KCNJ10: variants seen among roughly 807,000 people sequenced by gnomAD.
The protein encoded by KCNJ10 is ATP-sensitive inward rectifier potassium channel 10.
A neutral mutation model predicts 22.2 loss-of-function variants in KCNJ10; 9 were observed. That is an observed-to-expected ratio of 0.40 (90% CI 0.24 to 0.71). KCNJ10 has a LOEUF of 0.71. Ranked by LOEUF, KCNJ10 falls within the 30% of genes least tolerant of loss-of-function variation. The pLI is 0.35. For missense variants in KCNJ10, 337 were observed against 482.7 expected, an observed-to-expected ratio of 0.70 and a Z score of 2.83; for synonymous variants, 184 against 187.3, an observed-to-expected ratio of 0.98 and a Z score of 0.15.
chr1:160,049,508 T>C (rs557185033), intron 1 of KCNJ10, among the ~76,000 whole-genome samples: 1 of 151,776 alleles, frequency 6.6e-6, no homozygotes, highest in South Asian at 2.1e-4. Context: ...CCATGAAGCC[T>C]TCTCTGATTC....
chr1:160,042,770 C>G (rs772258833), intron 1 of KCNJ10, among the ~76,000 whole-genome samples: 1 of 152,060 alleles, frequency 6.6e-6, no homozygotes. Flanking sequence ...AACCCTGTCT[C>G]TACTAAAAAT....
intron 1 of KCNJ10, among the ~76,000 whole-genome samples, chr1:160,043,272 A>AC (rs1553235192): frequency 0.28 from 36,805 of 132,468 alleles, 5,562 homozygotes; most frequent in East Asian, 0.4. Flanking sequence ...TCCCCCTTAA[A>AC]ACACACACAC....
intron 1 of KCNJ10, among the ~76,000 whole-genome samples, chr1:160,050,210 T>C (rs1438952282): frequency 6.6e-6 from 1 of 152,104 alleles, no homozygotes; most frequent in East Asian, 1.9e-4. Context: ...CATGGCTCAC[T>C]GCAGCCTCGA....
intron 1 of KCNJ10, among the ~76,000 whole-genome samples, chr1:160,049,682 T>TAG (rs1648843042): frequency 2.5e-5 from 2 of 80,768 alleles, no homozygotes; most frequent in South Asian, 7.8e-4. Context: ...TATTTATATA[T>TAG]ATATATATAT....
chr1:160,053,861 A>C (rs567608658), intron 1 of KCNJ10, among the ~76,000 whole-genome samples: 1 of 152,188 alleles, frequency 6.6e-6, no homozygotes, highest in African/African-American at 2.4e-5. Flanking sequence ...TAACCTCTGC[A>C]TGGCCCTTCT....
At chr1:160,065,594 G>A (rs952399164) in intron 1 of KCNJ10, among the ~76,000 whole-genome samples, 1 of 152,138 alleles carries the variant, frequency 6.6e-6, no homozygotes, top group Admixed American at 6.5e-5. Context: ...GTGAGACTTG[G>A]AATGGCCTTT....
At chr1:160,054,716 G>T (rs1162519528) in intron 1 of KCNJ10, among the ~76,000 whole-genome samples, 1 of 152,034 alleles carries the variant, frequency 6.6e-6, no homozygotes, top group Admixed American at 6.5e-5. Context: ...ACCTGGCCTA[G>T]GCCCCGAGAT....
intron 1 of KCNJ10, among the ~76,000 whole-genome samples, chr1:160,043,168 C>T (rs1016352205): frequency 1.3e-5 from 2 of 151,690 alleles, no homozygotes; most frequent in South Asian, 2.1e-4. Flanking sequence ...ACCAGTCCTC[C>T]GAAGAGCTCT....
intron 1 of KCNJ10, among the ~76,000 whole-genome samples, chr1:160,045,635 T>C (rs531976926): frequency 4.0e-4 from 61 of 152,318 alleles, no homozygotes; most frequent in African/African-American, 1.4e-3. Context: ...CTGAAGTCCC[T>C]AGAACAAAAA....
chr1:160,047,777 G>A (rs566506844), intron 1 of KCNJ10, among the ~76,000 whole-genome samples: 2 of 152,042 alleles, frequency 1.3e-5, no homozygotes, highest in Middle Eastern at 3.4e-3. Context: ...CTGTTACCCA[G>A]GCTGAAGTGC....
At chr1:160,069,684 G>T (rs1485765130) in intron 1 of KCNJ10, among the ~76,000 whole-genome samples, 1 of 152,176 alleles carries the variant, frequency 6.6e-6, no homozygotes, top group Admixed American at 6.5e-5. Flanking sequence ...TGTTGTGCCT[G>T]TGTATGGGGT....
intron 1 of KCNJ10, 100 bp from the exon 2 acceptor site, chr1:160,042,632 TCGC>T: frequency 3.8e-6 from 4 of 1,062,206 alleles, no homozygotes; most frequent in Non-Finnish European, 5.7e-6. Context: ...CATTTGAATG[TCGC>T]TTATGTGTTC....
At chr1:160,067,489 A>G (rs1649347615) in intron 1 of KCNJ10, among the ~76,000 whole-genome samples, 1 of 152,096 alleles carries the variant, frequency 6.6e-6, no homozygotes, top group African/African-American at 2.4e-5. Context: ...TTTCCTCTCC[A>G]ATCTTTCTGT....
intron 1 of KCNJ10, among the ~76,000 whole-genome samples, chr1:160,043,775 G>T (rs1648674260): frequency 6.6e-6 from 1 of 152,216 alleles, no homozygotes; most frequent in Non-Finnish European, 1.5e-5. Flanking sequence ...CAGAAAGTGG[G>T]GCAAGCCACT....
chr1:160,064,863 C>A (rs781567768), intron 1 of KCNJ10: 2 of 152,424 alleles, frequency 1.3e-5, no homozygotes, highest in East Asian at 1.9e-4. Context: ...CAGACCTATA[C>A]CCCACTTGGG....
Position 160,041,319 on chromosome 1 carries a change from C to T in KCNJ10, c.*74G>A, listed in dbSNP as rs554662066. 1.6e-5 allele frequency: 23 copies of T among 1,438,008 alleles called. No individual in the cohort carries two copies. Among genetic ancestry groups the T allele is most frequent in the East Asian group, 1.2e-4 (5 of 41,968 alleles). 89.1% of individuals were successfully genotyped at this position (1,438,008 alleles called of 1,614,324 possible). On this transcript the variant is annotated 3_prime_UTR_variant, in exon 2 of 2. Coordinates refer to ENST00000644903, the MANE Select transcript of KCNJ10 (RefSeq NM_002241.5). The surrounding 1 kb of genome is among the most constrained non-coding windows in gnomAD (Gnocchi z 4.4). ...TGCTTCGGGGGATCTCCAGTAAACC[C>T]GGGTAGTATTCCTTACCAGGGCATT... is the stretch of plus-strand genomic sequence containing the variant.
At chr1:160,049,510 C>T (rs1004055399) in intron 1 of KCNJ10, among the ~76,000 whole-genome samples, 6 of 151,438 alleles carry the variant, frequency 4.0e-5, no homozygotes, top group Admixed American at 6.6e-5. Flanking sequence ...ATGAAGCCTT[C>T]TCTGATTCCT....
At chr1:160,054,979 A>T (rs2101931220) in intron 1 of KCNJ10, among the ~76,000 whole-genome samples, 1 of 151,916 alleles carries the variant, frequency 6.6e-6, no homozygotes, top group African/African-American at 2.4e-5. Context: ...CGGAAGACTG[A>T]CCTCCCCAAC....
Position 160,040,971 on chromosome 1 carries a change from C to A in KCNJ10, c.*422G>T. Reference sequence around the variant, plus strand: ...AAGTGACCATCAGAGAGAGTCTTGCCTTTGGGAACTTGCTAGATGGAAAGG... The same window carrying A: ...AAGTGACCATCAGAGAGAGTCTTGCATTTGGGAACTTGCTAGATGGAAAGG... On this transcript the variant is annotated 3_prime_UTR_variant, in exon 2 of 2. Coordinates refer to ENST00000644903, the MANE Select transcript of KCNJ10 (RefSeq NM_002241.5). The A allele has an allele frequency of 3.2e-6, 1 of 311,870 alleles. No homozygotes were observed. The highest frequency in any genetic ancestry group is 6.0e-6 in the Non-Finnish European group (1 of 166,700). The allele number at this position is 311,870 out of a possible 1,614,324, so 19.3% of individuals were successfully genotyped here. A position where few individuals can be genotyped will look rare whatever the true frequency, so the allele number is the denominator to read the frequency against.
Sources: allele counts gnomAD v4.1 joint callset (sites outside exome capture counted in the v4.1 genomes callset), GRCh38; gene constraint gnomAD v4.1.1; non-coding constraint Gnocchi (gnomAD v3.1); transcripts MANE v1.5; gene names NCBI Gene and HGNC (gene_info 2026-07-23, HGNC 2026-07-21).